Variants in RAD51B observed in about 807,000 individuals in gnomAD.
The protein encoded by RAD51B is RAD51 paralog B.
A neutral mutation model predicts 42.2 loss-of-function variants in RAD51B; 38 were observed. That is an observed-to-expected ratio of 0.90 (90% CI 0.70 to 1.18). The LOEUF is 1.18. Among genes scored for constraint, RAD51B ranks in the 50% most tolerant of loss-of-function variants. RAD51B has a pLI of 0.00. For missense variants in RAD51B, 373 were observed against 400.7 expected, an observed-to-expected ratio of 0.93 and a Z score of 0.59; for synonymous variants, 154 against 145.2, an observed-to-expected ratio of 1.06 and a Z score of -0.43.
intron 7 of RAD51B, among the ~76,000 whole-genome samples, chr14:68,151,968 T>G (rs1260595453): frequency 6.6e-6 from 1 of 150,464 alleles, no homozygotes; most frequent in Non-Finnish European, 1.5e-5. Context: ...CCCAGCCTCC[T>G]GAGTAGCTGG....
At chr14:67,997,613 T>C (rs533252363) in intron 7 of RAD51B, among the ~76,000 whole-genome samples, 1 of 152,320 alleles carries the variant, frequency 6.6e-6, no homozygotes, top group Admixed American at 6.5e-5. Context: ...TTTATGCTGT[T>C]TGTCATTTGT....
intron 9 of RAD51B, among the ~76,000 whole-genome samples, chr14:68,451,225 G>T (rs2085550582): frequency 6.6e-6 from 1 of 152,152 alleles, no homozygotes. Flanking sequence ...TTGCTATCAA[G>T]CTCTTCCTAC....
intron 7 of RAD51B, among the ~76,000 whole-genome samples, chr14:68,053,890 G>A (rs1010981967): frequency 2.0e-5 from 3 of 152,120 alleles, no homozygotes; most frequent in Non-Finnish European, 2.9e-5. Context: ...ACTTTGCTCT[G>A]AGATCAGGCT....
chr14:68,577,586 T>A lies in RAD51B; in HGVS notation c.1037-16899T>A, dbSNP rs117639654. 4.2e-3 allele frequency among the ~76,000 whole-genome samples: 645 copies of A among 151,790 alleles called. 5 individuals are homozygous for A. Among genetic ancestry groups the A allele is most frequent in the Middle Eastern group, 6.8e-3 (2 of 294 alleles). On this transcript the variant is annotated intron_variant, in intron 10 of 10. Coordinates refer to the RAD51B transcript ENST00000487270. ...AGCCATGAGCCAGGGTTCAACATGC[T>A]CCCTTCACTTCAGACCTTCCTCACA...
chr14:68,354,240 T>C (rs1275406063), intron 8 of RAD51B, among the ~76,000 whole-genome samples: 8 of 126,432 alleles, frequency 6.3e-5, no homozygotes, highest in Non-Finnish European at 6.4e-5. Flanking sequence ...TTTTTTGAGA[T>C]GGAGTCTCGC....
intron 8 of RAD51B, among the ~76,000 whole-genome samples, chr14:68,397,742 G>A (rs570744104): frequency 6.6e-5 from 10 of 152,120 alleles, no homozygotes; most frequent in Non-Finnish European, 1.3e-4. Flanking sequence ...TCAGAAAGCC[G>A]GGTCCAGATG....
chr14:68,669,942 G>T (rs1893118417), intron 11 of RAD51B, among the ~76,000 whole-genome samples: 1 of 152,202 alleles, frequency 6.6e-6, no homozygotes, highest in African/African-American at 2.4e-5. Flanking sequence ...TGAATTGTCT[G>T]CCTGCTGGTG....
intron 7 of RAD51B, among the ~76,000 whole-genome samples, chr14:68,064,680 T>G (rs1043034969): frequency 2.0e-5 from 3 of 152,064 alleles, no homozygotes; most frequent in Non-Finnish European, 4.4e-5. Context: ...TCTCTTTTAT[T>G]CTTTTGTCTG....
chr14:68,092,925 G>T (rs2077126311), intron 7 of RAD51B, among the ~76,000 whole-genome samples: 1 of 150,490 alleles, frequency 6.6e-6, no homozygotes, highest in African/African-American at 2.5e-5. Flanking sequence ...GTTGAATTTT[G>T]TCAAAGGCTT....
At chr14:68,074,669 A>C (rs183779172) in intron 7 of RAD51B, among the ~76,000 whole-genome samples, 1 of 152,312 alleles carries the variant, frequency 6.6e-6, no homozygotes, top group East Asian at 1.9e-4. Flanking sequence ...ATGTTCCTTT[A>C]ACTGCGATGT....
intron 9 of RAD51B, among the ~76,000 whole-genome samples, chr14:68,441,321 T>A (rs1304824837): frequency 6.8e-6 from 1 of 147,056 alleles, no homozygotes; most frequent in Admixed American, 6.7e-5. Flanking sequence ...GGTGGGTGGA[T>A]CACGAGGTCA....
intron 8 of RAD51B, among the ~76,000 whole-genome samples, chr14:68,318,055 T>C (rs1269278634): frequency 1.3e-5 from 2 of 152,240 alleles, no homozygotes; most frequent in Non-Finnish European, 1.5e-5. Context: ...CAAGGTGATG[T>C]GATTAGTTTT....
At chr14:68,386,451 G>T (rs1389255505) in intron 8 of RAD51B, among the ~76,000 whole-genome samples, 1 of 152,194 alleles carries the variant, frequency 6.6e-6, no homozygotes, top group Non-Finnish European at 1.5e-5. Flanking sequence ...TCTCTTTGCT[G>T]TAAGGCACCC....
At chr14:68,445,416 C>G (rs1469345786) in intron 9 of RAD51B, among the ~76,000 whole-genome samples, 1 of 152,200 alleles carries the variant, frequency 6.6e-6, no homozygotes, top group Admixed American at 6.5e-5. Context: ...TCATCAAGTA[C>G]TTGACCATTT....
At chr14:68,604,046 C>T (rs944299064) in intron 10 of RAD51B, among the ~76,000 whole-genome samples, 3 of 152,254 alleles carry the variant, frequency 2.0e-5, no homozygotes, top group Non-Finnish European at 4.4e-5. Flanking sequence ...CTTAGCCCGC[C>T]AGGATTGCTG....
At chr14:68,258,632 T>C (rs1350696872) in intron 7 of RAD51B, among the ~76,000 whole-genome samples, 3 of 152,068 alleles carry the variant, frequency 2.0e-5, no homozygotes, top group African/African-American at 7.3e-5. Context: ...TGTGTGTGCG[T>C]ATGTAAGGTA....
chr14:67,916,509 C>A (rs1406749062), intron 7 of RAD51B, among the ~76,000 whole-genome samples: 1 of 152,000 alleles, frequency 6.6e-6, no homozygotes, highest in Non-Finnish European at 1.5e-5. Flanking sequence ...TTCCAAAGTG[C>A]TGGGATTGCA....
At chr14:68,384,036 A>C (rs955681040) in intron 8 of RAD51B, among the ~76,000 whole-genome samples, 1 of 152,014 alleles carries the variant, frequency 6.6e-6, no homozygotes, top group African/African-American at 2.4e-5. Context: ...CTTTCCACTC[A>C]CAGGCTTCTT....
chr14:68,541,375 C>A, intron 10 of RAD51B: 1 of 985,456 alleles, frequency 1.0e-6, no homozygotes, highest in South Asian at 4.7e-5. Flanking sequence ...TGCCATAGTC[C>A]TTCCCAGAAG....
Sources: allele counts gnomAD v4.1 joint callset (sites outside exome capture counted in the v4.1 genomes callset), GRCh38; gene constraint gnomAD v4.1.1; transcripts MANE v1.5; gene names NCBI Gene and HGNC (gene_info 2026-07-23, HGNC 2026-07-21).